The following RBPJ variants were observed in gnomAD, a reference collection of about 807,000 sequenced individuals.
The protein encoded by RBPJ is recombination signal binding protein for immunoglobulin kappa J region.
Under a neutral mutation model 67.8 loss-of-function variants are expected in RBPJ, and 9 were observed. The observed-to-expected ratio is 0.13, with a 90% CI of 0.08 to 0.23. The LOEUF is 0.23. Among genes scored for constraint, RBPJ ranks in the 10% least tolerant of loss-of-function variants. RBPJ has a pLI of 1.00. For missense variants in RBPJ, 305 were observed against 595.6 expected, an observed-to-expected ratio of 0.51 and a Z score of 5.08; for synonymous variants, 198 against 203.3, an observed-to-expected ratio of 0.97 and a Z score of 0.22.
In RBPJ at chr4:26,211,459, C is replaced by G. The variant is rs533699560; in HGVS notation, c.-167+47845C>G. On this transcript the variant is annotated intron_variant, in intron 1 of 4. Coordinates refer to the RBPJ transcript ENST00000512351. ...CTACAGGGATTGTTTATTATTTGCT[C>G]ATTTATATTTGAGATGTATTTCACA... is the stretch of plus-strand genomic sequence containing the variant. 2.6e-5 allele frequency among the ~76,000 whole-genome samples: 4 copies of G among 152,256 alleles called. No homozygotes were observed. In the East Asian group the frequency reaches 5.8e-4, roughly 22 times the overall value.
At chr4:26,407,833 T>A (rs1274206673) in intron 3 of RBPJ, among the ~76,000 whole-genome samples, 1 of 151,492 alleles carries the variant, frequency 6.6e-6, no homozygotes, top group Non-Finnish European at 1.5e-5. Flanking sequence ...TTTAGGAAGT[T>A]CCTTGAAGCT....
chr4:26,114,478 C>CATATATATATATATATATATAT, the RBPJ span, among the ~76,000 whole-genome samples: 81 of 123,096 alleles, frequency 6.6e-4, 1 homozygote, highest in Middle Eastern at 4.5e-3. Flanking sequence ...AAAGAATGTA[C>CATATATATATATATATATATAT]ATATATATAT....
chr4:26,351,425 G>A (rs1577498308), intron 1 of RBPJ, among the ~76,000 whole-genome samples: 2 of 152,176 alleles, frequency 1.3e-5, no homozygotes, highest in African/African-American at 2.4e-5. Flanking sequence ...GTGGGTGACT[G>A]GGTCTTGCCC....
intron 1 of RBPJ, among the ~76,000 whole-genome samples, chr4:26,328,890 T>A (rs1363005031): frequency 6.6e-6 from 1 of 152,230 alleles, no homozygotes; most frequent in East Asian, 1.9e-4. Context: ...GCTCAAGTGA[T>A]CCTTCTGCCT....
intron 1 of RBPJ, among the ~76,000 whole-genome samples, chr4:26,348,708 T>G (rs1170031543): frequency 6.6e-6 from 1 of 152,014 alleles, no homozygotes; most frequent in East Asian, 1.9e-4. Context: ...TGTTTTTTGT[T>G]TTTTTTTGTT....
intron 1 of RBPJ, among the ~76,000 whole-genome samples, chr4:26,211,951 G>A (rs1718438640): frequency 6.6e-6 from 1 of 152,134 alleles, no homozygotes; most frequent in African/African-American, 2.4e-5. Context: ...CGAAGGCAGA[G>A]ATGGGGGTGA....
At chr4:26,269,067 A>G (rs988450790) in intron 1 of RBPJ, among the ~76,000 whole-genome samples, 5 of 152,074 alleles carry the variant, frequency 3.3e-5, no homozygotes, top group Admixed American at 6.6e-5. Context: ...GGGGATTGGA[A>G]CTGAGATTGG....
At chr4:26,257,089 G>C in intron 1 of RBPJ, among the ~76,000 whole-genome samples, 1 of 152,138 alleles carries the variant, frequency 6.6e-6, no homozygotes, top group East Asian at 1.9e-4. Context: ...CGTTGTTGTT[G>C]TAGTAATTGC....
chr4:26,375,890 C>T (rs1729678827), intron 1 of RBPJ, among the ~76,000 whole-genome samples: 1 of 152,180 alleles, frequency 6.6e-6, no homozygotes, highest in South Asian at 2.1e-4. Context: ...CTTTTGTATC[C>T]TTACCTTGAT....
rs113128662 is a variant in RBPJ at position 26,213,161 on chromosome 4, A to G, written c.-167+49547A>G. 1.3e-3 allele frequency among the ~76,000 whole-genome samples: 193 copies of G among 152,350 alleles called. 2 individuals are homozygous for G. Among genetic ancestry groups the G allele is most frequent in the African/African-American group, 4.6e-3 (190 of 41,590 alleles). ...CTAAAGGAGAGGTCATGAGAACCCC[A>G]ACTTGAAGTCAGTAGGTCAGAAGTT... On this transcript the variant is annotated intron_variant, in intron 1 of 4. Coordinates refer to the RBPJ transcript ENST00000512351.
chr4:26,258,732 G>T (rs1238552361), intron 1 of RBPJ, among the ~76,000 whole-genome samples: 1 of 152,056 alleles, frequency 6.6e-6, no homozygotes, highest in East Asian at 1.9e-4. Flanking sequence ...TAACCCTATC[G>T]ATGCAGTCTT....
chr4:26,403,820 A>C (rs1733102626), intron 2 of RBPJ, among the ~76,000 whole-genome samples: 1 of 151,568 alleles, frequency 6.6e-6, no homozygotes, highest in Non-Finnish European at 1.5e-5. Flanking sequence ...TGTCATTGCT[A>C]TTGCAAATAG....
chr4:26,287,640 A>G (rs114715619), intron 1 of RBPJ, among the ~76,000 whole-genome samples: 1,680 of 55,276 alleles, frequency 0.03, 222 homozygotes, highest in African/African-American at 0.18. Flanking sequence ...GGAGGGGAGG[A>G]GCAGAGAAGA....
intron 1 of RBPJ, among the ~76,000 whole-genome samples, chr4:26,214,164 A>G (rs912121435): frequency 1.3e-5 from 2 of 149,208 alleles, no homozygotes; most frequent in Admixed American, 6.7e-5. Context: ...AAAGAGAGAA[A>G]AGAGAGAGAG....
At chr4:26,293,798 C>G (rs888177574) in intron 1 of RBPJ, among the ~76,000 whole-genome samples, 2 of 152,148 alleles carry the variant, frequency 1.3e-5, no homozygotes, top group Admixed American at 1.3e-4. Context: ...CGATTTGTCA[C>G]CAAGGCTGGA....
At chr4:26,295,357 C>T (rs530070002) in intron 1 of RBPJ, among the ~76,000 whole-genome samples, 8 of 152,108 alleles carry the variant, frequency 5.3e-5, no homozygotes, top group South Asian at 2.1e-4. Context: ...CTTCCATTCA[C>T]GGCATGAATT....
chr4:26,106,153 G>A, the RBPJ span, among the ~76,000 whole-genome samples: 3 of 152,228 alleles, frequency 2.0e-5, no homozygotes, highest in Non-Finnish European at 4.4e-5. Flanking sequence ...ACCCACTGTA[G>A]TAAACACAAT....
intron 1 of RBPJ, among the ~76,000 whole-genome samples, chr4:26,331,200 G>A (rs1283504966): frequency 6.6e-6 from 1 of 152,130 alleles, no homozygotes; most frequent in Non-Finnish European, 1.5e-5. Flanking sequence ...TCCCGAGCTC[G>A]TAATCATCCC....
At chr4:26,200,532 A>G (rs1717945694) in intron 1 of RBPJ, among the ~76,000 whole-genome samples, 1 of 152,092 alleles carries the variant, frequency 6.6e-6, no homozygotes, top group Non-Finnish European at 1.5e-5. Flanking sequence ...TTAGCTGGGA[A>G]TGGTGGTGCA....
Sources: allele counts gnomAD v4.1 joint callset (sites outside exome capture counted in the v4.1 genomes callset), GRCh38; gene constraint gnomAD v4.1.1; transcripts MANE v1.5; gene names NCBI Gene and HGNC (gene_info 2026-07-23, HGNC 2026-07-21).